GPR158: variants seen among roughly 807,000 people sequenced by gnomAD.
GPR158 encodes metabotropic glycine receptor.
Under a neutral mutation model 78.2 loss-of-function variants are expected in GPR158, and 30 were observed. The ratio of observed to expected loss-of-function variants is 0.38; its 90% CI spans 0.29 to 0.52. The LOEUF (loss-of-function observed/expected upper bound fraction) is 0.52, where lower values mean the gene tolerates loss of function less well. Ranked by LOEUF, GPR158 falls within the 20% of genes least tolerant of loss-of-function variation. The pLI, the probability that GPR158 is intolerant of heterozygous loss-of-function variation, is 0.83. For synonymous variants in GPR158, 581 were observed against 591.1 expected (o/e 0.98, Z 0.25); for missense variants, 1,463 against 1,523.5 (o/e 0.96, Z 0.66).
At chr10:25,311,148 C>T (rs1010714043) in intron 2 of GPR158, among the ~76,000 whole-genome samples, 3 of 151,808 alleles carry the variant, frequency 2.0e-5, no homozygotes, top group Non-Finnish European at 4.4e-5. Flanking sequence ...TCTTTTCTTT[C>T]TCAGTTTTTC....
At chr10:25,592,802 C>A (rs1430565383) in intron 8 of GPR158, among the ~76,000 whole-genome samples, 3 of 151,096 alleles carry the variant, frequency 2.0e-5, no homozygotes, top group African/African-American at 7.3e-5. Context: ...CTGGAATGAC[C>A]CTCAACAGAC....
intron 2 of GPR158, among the ~76,000 whole-genome samples, chr10:25,386,050 A>G (rs999095053): frequency 4.6e-5 from 7 of 152,136 alleles, no homozygotes; most frequent in Admixed American, 4.6e-4. Flanking sequence ...CTAATGTCAT[A>G]AGGCTTTTCC....
chr10:25,338,111 G>T (rs1240031383), intron 2 of GPR158, among the ~76,000 whole-genome samples: 1 of 151,536 alleles, frequency 6.6e-6, no homozygotes, highest in African/African-American at 2.4e-5. Context: ...AGAAAAAAAG[G>T]TTTTGGTTTA....
At chr10:25,191,681 T>C (rs988611874) in intron 1 of GPR158, among the ~76,000 whole-genome samples, 4 of 152,192 alleles carry the variant, frequency 2.6e-5, no homozygotes, top group African/African-American at 9.6e-5. Flanking sequence ...CTTTAGTCAC[T>C]GAAAAAATTT....
At chr10:25,562,024 ATTTTTTT>A (rs34320289) in intron 6 of GPR158, among the ~76,000 whole-genome samples, 1 of 140,804 alleles carries the variant, frequency 7.1e-6, no homozygotes, top group Non-Finnish European at 1.5e-5. Context: ...ATGCAGAAGA[ATTTTTTT>A]TTTTTTTTTT....
intron 4 of GPR158, among the ~76,000 whole-genome samples, chr10:25,435,677 A>G (rs1834988582): frequency 6.6e-6 from 1 of 152,340 alleles, no homozygotes; most frequent in African/African-American, 2.4e-5. Context: ...AAGGATTTGA[A>G]GCAAGGGAAT....
intron 4 of GPR158, among the ~76,000 whole-genome samples, chr10:25,451,062 C>T (rs946770140): frequency 1.3e-5 from 2 of 151,842 alleles, no homozygotes; most frequent in African/African-American, 4.8e-5. Context: ...ATGGATATTC[C>T]AACTGTTTCA....
intron 2 of GPR158, among the ~76,000 whole-genome samples, chr10:25,277,753 T>C (rs1264405255): frequency 6.6e-6 from 1 of 152,036 alleles, no homozygotes; most frequent in Non-Finnish European, 1.5e-5. Context: ...CAGAGGAAAA[T>C]AGCCCAGAAA....
rs1330875744 is a variant in GPR158 at position 25,601,744 on chromosome 10, C to T, written c.*2470C>T. The T allele has an allele frequency of 6.6e-6, 1 of 152,534 alleles. No individual in the cohort carries two copies. Among genetic ancestry groups the T allele is most frequent in the Non-Finnish European group, 1.5e-5 (1 of 68,016 alleles). 9.4% of individuals were successfully genotyped at this position (152,534 alleles called of 1,614,324 possible). ...TTGATAACCATAGAAAGTGAATAAA[C>T]ACTTTTAAGGTCGCAAACATTTGCT... On this transcript the variant is annotated 3_prime_UTR_variant, in exon 11 of 11. Coordinates refer to ENST00000376351, the MANE Select transcript of GPR158 (RefSeq NM_020752.3).
At chr10:25,508,294 A>AAGAGGG (rs948773842) in intron 5 of GPR158, among the ~76,000 whole-genome samples, 1 of 152,176 alleles carries the variant, frequency 6.6e-6, no homozygotes, top group Non-Finnish European at 1.5e-5. Context: ...ACATGCTCAG[A>AAGAGGG]AGAGGGAGAG....
At chr10:25,391,259 G>A (rs1375028523) in intron 2 of GPR158, among the ~76,000 whole-genome samples, 1 of 152,158 alleles carries the variant, frequency 6.6e-6, no homozygotes, top group African/African-American at 2.4e-5. Flanking sequence ...CTGGGGCACT[G>A]CCTAGTGGAG....
At chr10:25,226,906 G>A (rs766807494) in intron 2 of GPR158, among the ~76,000 whole-genome samples, 4 of 152,132 alleles carry the variant, frequency 2.6e-5, no homozygotes, top group Non-Finnish European at 4.4e-5. Context: ...GAAGACTGCT[G>A]TTAGCTACCT....
chr10:25,412,754 G>A (rs534513679), intron 4 of GPR158, among the ~76,000 whole-genome samples: 2 of 152,176 alleles, frequency 1.3e-5, no homozygotes, highest in Admixed American at 6.5e-5. Flanking sequence ...CATGTCTTTG[G>A]CCTCTAGAGA....
chr10:25,267,595 T>C (rs1401027012), intron 2 of GPR158, among the ~76,000 whole-genome samples: 2 of 152,260 alleles, frequency 1.3e-5, no homozygotes, highest in East Asian at 3.9e-4. Flanking sequence ...TAGTATGTTA[T>C]TTTTATGGAA....
At chr10:25,306,178 A>G (rs972563483) in intron 2 of GPR158, among the ~76,000 whole-genome samples, 1 of 152,078 alleles carries the variant, frequency 6.6e-6, no homozygotes, top group Non-Finnish European at 1.5e-5. Context: ...TTTTTACAAG[A>G]TCATTTCCCT....
intron 3 of GPR158, among the ~76,000 whole-genome samples, chr10:25,401,803 A>G (rs2130536473): frequency 6.6e-6 from 1 of 152,216 alleles, no homozygotes; most frequent in East Asian, 1.9e-4. Context: ...TGCATGGTAG[A>G]ATTATTTGTA....
chr10:25,300,882 A>C (rs1854582268), intron 2 of GPR158, among the ~76,000 whole-genome samples: 1 of 151,954 alleles, frequency 6.6e-6, no homozygotes, highest in South Asian at 2.1e-4. Flanking sequence ...GCAGAAGTAA[A>C]ATTGATTGAA....
In GPR158 at chr10:25,461,857, G is replaced by A. The variant is rs531038250; in HGVS notation, c.1336-4794G>A. Among the ~76,000 whole-genome samples, 5 of 150,372 alleles carry A rather than the reference G, an allele frequency of 3.3e-5. No homozygotes were observed. The East Asian group carries it at 5.9e-4, about 18-fold the overall frequency. The stretch of plus-strand genomic sequence containing the variant: ...CGCCATTCTCCTGCCTCAGCCTCCC[G>A]AGTAGCTAGGACTACAGGTGCCTGC... On this transcript the variant is annotated intron_variant, in intron 4 of 10. Transcript: ENST00000376351.
chr10:25,184,356 A>G (rs897969354), intron 1 of GPR158, among the ~76,000 whole-genome samples: 1 of 152,110 alleles, frequency 6.6e-6, no homozygotes, highest in South Asian at 2.1e-4. Flanking sequence ...ATGCCTGGCT[A>G]ATTTTTTAAT....
Sources: gnomAD v4.1 joint callset for allele counts (sites outside exome capture counted in the v4.1 genomes callset) on GRCh38, gnomAD v4.1.1 for gene constraint, MANE v1.5 for transcripts, NCBI Gene and HGNC (gene_info 2026-07-23, HGNC 2026-07-21) for gene names.